PKHD1L1: variants seen among roughly 807,000 people sequenced by gnomAD.
The protein encoded by PKHD1L1 is PKHD1 like 1.
PKHD1L1 carries 434 observed loss-of-function variants against 462.9 expected under a neutral mutation model. That is an observed-to-expected ratio of 0.94 (90% CI 0.87 to 1.02). The LOEUF (loss-of-function observed/expected upper bound fraction) is 1.02. Ranked by LOEUF, PKHD1L1 falls within the 50% of genes least tolerant of loss-of-function variation. The probability of loss-of-function intolerance (pLI) is 0.00; values close to 1 mark genes in which losing one functional copy is unlikely to be tolerated. For synonymous variants in PKHD1L1, 1,781 were observed against 1,750.0 expected, an observed-to-expected ratio of 1.02 and a Z score of -0.44; for missense variants, 5,202 against 5,096.1, an observed-to-expected ratio of 1.02 and a Z score of -0.63.
chr8:109,523,118 T>A (rs1820636648), intron 75 of PKHD1L1, 115 bp from the exon 76 acceptor site: 3 of 1,102,246 alleles, frequency 2.7e-6, no homozygotes, highest in Admixed American at 5.7e-5. Flanking sequence ...ATAAGGAGCT[T>A]CTGCAGATTT....
At chr8:109,419,050 A>G in intron 21 of PKHD1L1, 47 bp from the exon 22 acceptor site, 3 of 1,471,390 alleles carry the variant, frequency 2.0e-6, no homozygotes, top group Non-Finnish European at 2.8e-6. Flanking sequence ...GTATTTGCTT[A>G]AACATTACCA....
intron 56 of PKHD1L1, among the ~76,000 whole-genome samples, chr8:109,482,148 C>CT (rs1182464990): frequency 6.6e-6 from 1 of 151,692 alleles, no homozygotes; most frequent in Non-Finnish European, 1.5e-5. Context: ...TTAAGAACTG[C>CT]TTTTATGAAT....
intron 53 of PKHD1L1, among the ~76,000 whole-genome samples, chr8:109,478,669 T>G (rs1034827784): frequency 6.6e-6 from 1 of 152,092 alleles, no homozygotes; most frequent in Non-Finnish European, 1.5e-5. Context: ...ATCAAGGCCC[T>G]TATGCATTCT....
At chr8:109,373,880 A>G (rs1435543394) in intron 2 of PKHD1L1, among the ~76,000 whole-genome samples, 1 of 152,126 alleles carries the variant, frequency 6.6e-6, no homozygotes, top group East Asian at 1.9e-4. Context: ...GTTTTTTATA[A>G]TTTCTATTCT....
At chr8:109,418,600 A>T (rs1286428527) in intron 21 of PKHD1L1, among the ~76,000 whole-genome samples, 2 of 152,208 alleles carry the variant, frequency 1.3e-5, no homozygotes, top group East Asian at 3.8e-4. Context: ...AACCATTTAT[A>T]TCTACAAATA....
chr8:109,438,517 G>A, intron 31 of PKHD1L1, 61 bp downstream of exon 31: 1 of 1,410,036 alleles, frequency 7.1e-7, no homozygotes, highest in Non-Finnish European at 9.5e-7. Flanking sequence ...TTTCTAGAAA[G>A]GCTTTTGAAG....
intron 25 of PKHD1L1, 135 bp downstream of exon 25, chr8:109,427,291 G>T: frequency 1.4e-6 from 1 of 695,450 alleles, no homozygotes; most frequent in Non-Finnish European, 2.4e-6. Context: ...TCTTTAAAAG[G>T]AAGTTAAGGA....
At chr8:109,434,749 G>T (rs189954069) in intron 28 of PKHD1L1, among the ~76,000 whole-genome samples, 1,598 of 152,258 alleles carry the variant, frequency 0.01, 18 homozygotes, top group Non-Finnish European at 0.016. Context: ...GATTACAGGC[G>T]TGAGCCACCG....
chr8:109,405,886 C>A (rs1430989072), intron 16 of PKHD1L1, among the ~76,000 whole-genome samples: 2 of 152,066 alleles, frequency 1.3e-5, no homozygotes, highest in Non-Finnish European at 2.9e-5. Context: ...GAATTAAATT[C>A]ATCATTGCAC....
In PKHD1L1 at chr8:109,475,233, C is replaced by A. The variant is rs556036738; in HGVS notation, c.8721C>A (p.Thr2907=). 8.5e-5 allele frequency: 137 copies of A among 1,609,382 alleles called. 1 individual carries two copies. In the South Asian group the frequency reaches 1.4e-3, roughly 16 times the overall value. The change falls in exon 51 of 78, where the codon ACC becomes ACA. Residue 2907 remains threonine (T), a synonymous_variant. Transcript: ENST00000378402. ...ATTTTAAAGGTGTGGATCACATAAC[C>A]AACATTTCATATACATCGACATTCT... is the stretch of plus-strand genomic sequence containing the variant. ...NWYFKGVDHI[T]NISYTSTFYG...
At chr8:109,465,426 G>T (rs1234428307) in intron 49 of PKHD1L1, among the ~76,000 whole-genome samples, 181 bp downstream of exon 49, 1 of 152,148 alleles carries the variant, frequency 6.6e-6, no homozygotes, top group Non-Finnish European at 1.5e-5. Flanking sequence ...TTCTGGAAGA[G>T]CCCCAATCTG....
chr8:109,400,018 C>T (rs1813188749), intron 12 of PKHD1L1, 58 bp from the exon 13 acceptor site: 1 of 1,498,028 alleles, frequency 6.7e-7, no homozygotes, highest in Non-Finnish European at 9.0e-7. Flanking sequence ...AATAGAAAGC[C>T]ATTGAGGCAT....
At chr8:109,502,045 T>C (rs940135338) in intron 67 of PKHD1L1, among the ~76,000 whole-genome samples, 1 of 151,704 alleles carries the variant, frequency 6.6e-6, no homozygotes, top group Non-Finnish European at 1.5e-5. Context: ...TGGAAAGATC[T>C]TCCCACACCA....
rs113389060 is a variant in PKHD1L1, at chr8:109,526,661, C to A, written c.12485-123C>A. ...ACTTAAACTAATTTATTTGACTCAA[C>A]TTTCAAAAATATTTCATCAGGATCT... On this transcript the variant is annotated intron_variant, in intron 76 of 77. Coordinates refer to ENST00000378402, the MANE Select transcript of PKHD1L1 (RefSeq NM_177531.6). The A allele has an allele frequency of 9.6e-3, 8,480 of 884,136 alleles. 70 individuals are homozygous for A. Among genetic ancestry groups the A allele is most frequent in the South Asian group, 0.016 (889 of 55,346 alleles). 54.8% of individuals were successfully genotyped at this position (884,136 alleles called of 1,614,324 possible).
intron 9 of PKHD1L1, 54 bp downstream of exon 9, chr8:109,390,548 G>C: frequency 9.7e-7 from 1 of 1,033,494 alleles, no homozygotes; most frequent in South Asian, 2.0e-5. Flanking sequence ...GGGTAAATAA[G>C]ATAAAATGTA....
intron 2 of PKHD1L1, among the ~76,000 whole-genome samples, chr8:109,371,216 T>C (rs1811490090): frequency 6.6e-6 from 1 of 152,264 alleles, no homozygotes. Context: ...TGAGACGGTA[T>C]CTCATTGTGG....
chr8:109,501,844 C>T (rs2130955720), intron 67 of PKHD1L1, among the ~76,000 whole-genome samples: 1 of 152,078 alleles, frequency 6.6e-6, no homozygotes, highest in African/African-American at 2.4e-5. Context: ...AATAGCATGC[C>T]TTTTATACCC....
chr8:109,518,634 A>G, intron 73 of PKHD1L1, 126 bp downstream of exon 73: 1 of 726,712 alleles, frequency 1.4e-6, no homozygotes. Flanking sequence ...TGAACCCTCT[A>G]AGTGCCCAGA....
intron 34 of PKHD1L1, 80 bp downstream of exon 34, chr8:109,441,459 C>A (rs1815790290): frequency 1.2e-6 from 1 of 867,676 alleles, no homozygotes; most frequent in Non-Finnish European, 1.7e-6. Flanking sequence ...TTTTATATTT[C>A]AAATTATTGA....
Sources: allele counts gnomAD v4.1 joint callset (sites outside exome capture counted in the v4.1 genomes callset), GRCh38; gene constraint gnomAD v4.1.1; transcripts MANE v1.5; gene names NCBI Gene and HGNC (gene_info 2026-07-23, HGNC 2026-07-21).